Variants in RGPD3 observed in about 807,000 individuals in gnomAD.
RGPD3 encodes the protein ranBP2-like and GRIP domain-containing protein 3.
A neutral mutation model predicts 154.5 loss-of-function variants in RGPD3; 62 were observed. The observed-to-expected ratio is 0.40, with a 90% confidence interval of 0.33 to 0.50. RGPD3 has a LOEUF of 0.50. Ranked by LOEUF, RGPD3 falls within the 20% of genes least tolerant of loss-of-function variation. The pLI is 0.59. For synonymous variants in RGPD3, 308 were observed against 607.0 expected (o/e 0.51, Z 7.24); for missense variants, 919 against 1,716.8 (o/e 0.54, Z 8.21).
intron 22 of RGPD3, among the ~76,000 whole-genome samples, chr2:106,411,936 T>A (rs1676683099): frequency 6.6e-6 from 1 of 151,392 alleles, no homozygotes; most frequent in South Asian, 2.1e-4. Context: ...AAAATGAACA[T>A]AAACTAGGTA....
intron 1 of RGPD3, among the ~76,000 whole-genome samples, chr2:106,465,303 A>G (rs1678534373): frequency 6.6e-6 from 1 of 152,194 alleles, no homozygotes; most frequent in African/African-American, 2.4e-5. Flanking sequence ...TTCCAAAGTT[A>G]CTCACTAGTT....
At position 106,436,850 on chromosome 2, in the gene RGPD3, A is replaced by G; in HGVS notation, c.1281T>C (p.Ala427=). ...LEDLARYDVG[A]IRAHNGSLQH... ...GAAGACTACCATTATGTGCTCGAATAGCACCTGAAATAAAATAAAAAAATT... is the reference window on the plus strand; with the variant it reads ...GAAGACTACCATTATGTGCTCGAATGGCACCTGAAATAAAATAAAAAAATT... Residue 427 remains alanine, a synonymous_variant, in exon 10 of 23, where the codon GCT becomes GCC. Coordinates refer to ENST00000409886, the MANE Select transcript of RGPD3 (RefSeq NM_001144013.2). The G allele has an allele frequency of 8.7e-7, 1 of 1,143,170 alleles. No individual in the cohort carries two copies. Among genetic ancestry groups the G allele is most frequent in the South Asian group, 1.7e-5 (1 of 59,812 alleles). 70.8% of individuals were successfully genotyped at this position (1,143,170 alleles called of 1,614,324 possible).
intron 22 of RGPD3, among the ~76,000 whole-genome samples, chr2:106,410,999 G>C (rs1222065427): frequency 6.7e-6 from 1 of 150,346 alleles, no homozygotes; most frequent in Admixed American, 6.7e-5. Flanking sequence ...TACTTATGAA[G>C]TATGTCTGTA....
chr2:106,446,248 A>T (rs1367335337), intron 7 of RGPD3, among the ~76,000 whole-genome samples: 2 of 130,514 alleles, frequency 1.5e-5, no homozygotes, highest in Non-Finnish European at 3.3e-5. Context: ...TCCTTTCAAA[A>T]GTTATGCAGG....
At position 106,459,439 on chromosome 2, in the gene RGPD3, T is replaced by C. The variant is rs534533943; in HGVS notation, c.73-107A>G. The C allele has an allele frequency of 1.3e-5, 7 of 521,836 alleles. No homozygotes were observed. In the East Asian group the frequency reaches 2.7e-4, roughly 20 times the overall value. 32.3% of individuals were successfully genotyped at this position (521,836 alleles called of 1,614,324 possible). A position where few individuals can be genotyped will look rare whatever the true frequency, so the allele number is the denominator to read the frequency against. On this transcript the variant is annotated intron_variant, in intron 1 of 22. Coordinates refer to ENST00000409886, the MANE Select transcript of RGPD3 (RefSeq NM_001144013.2). ...AAGTTTATGTTCAAATATGCCATTTTCATTCACTTAAAAGTTTTTTTTAAA... is the reference window on the plus strand; with the variant it reads ...AAGTTTATGTTCAAATATGCCATTTCCATTCACTTAAAAGTTTTTTTTAAA...
Position 106,403,963 on chromosome 2 carries a change from A to G in RGPD3, c.*1256T>C, listed in dbSNP as rs1394618188. ...TATGTGATTAATACATAAATATTAA[A>G]AATTATCCAATTTTTGATTTAAGAA... On this transcript the variant is annotated 3_prime_UTR_variant, in exon 23 of 23. Coordinates refer to ENST00000409886, the MANE Select transcript of RGPD3 (RefSeq NM_001144013.2). 6.6e-6 allele frequency among the ~76,000 whole-genome samples: 1 copy of G among 152,260 alleles called. No individual in the cohort carries two copies. The highest frequency in any genetic ancestry group is 1.5e-5 in the Non-Finnish European group (1 of 68,050).
intron 20 of RGPD3, among the ~76,000 whole-genome samples, chr2:106,421,274 G>T (rs926793082): frequency 6.6e-6 from 1 of 152,002 alleles, no homozygotes; most frequent in African/African-American, 2.4e-5. Context: ...ATGTTCTACA[G>T]TAGTGTATAG....
At chr2:106,429,077 C>A (rs1464143705) in intron 18 of RGPD3, among the ~76,000 whole-genome samples, 2 of 152,052 alleles carry the variant, frequency 1.3e-5, no homozygotes, top group Non-Finnish European at 2.9e-5. Context: ...CCCACACCCA[C>A]CTGCACATAC....
At chr2:106,468,196 G>A in intron 1 of RGPD3, 21 bp downstream of exon 1, 1 of 1,596,730 alleles carries the variant, frequency 6.3e-7, no homozygotes, top group Non-Finnish European at 8.5e-7. Flanking sequence ...GAGGCCGTCG[G>A]TCTCTTCCAG....
At chr2:106,465,303 A>T in intron 1 of RGPD3, among the ~76,000 whole-genome samples, 1 of 152,194 alleles carries the variant, frequency 6.6e-6, no homozygotes, top group Non-Finnish European at 1.5e-5. Context: ...TTCCAAAGTT[A>T]CTCACTAGTT....
At chr2:106,449,479 A>G (rs1678043344) in intron 6 of RGPD3, among the ~76,000 whole-genome samples, 1 of 151,352 alleles carries the variant, frequency 6.6e-6, no homozygotes, top group Admixed American at 6.6e-5. Flanking sequence ...AAAAAAAAAA[A>G]AAAAAAAAGC....
rs759229173 is a variant in RGPD3, at chr2:106,424,755, T to G, written c.3212A>C (p.Asp1071Ala). The G allele has an allele frequency of 3.1e-6, 5 of 1,611,958 alleles. No individual in the cohort carries two copies. Among genetic ancestry groups the G allele is most frequent in the Non-Finnish European group, 4.2e-6 (5 of 1,179,850 alleles). Residue 1071 changes from aspartate to alanine, a missense_variant, in exon 20 of 23, where the codon GAT (aspartate) becomes GCT (alanine). By Grantham distance (126) the Asp-to-Ala change is moderately radical. Transcript: ENST00000409886. ...YSQGVKLFRFDAEVSQWKERG... is the reference protein window; with the variant it reads ...YSQGVKLFRFAAEVSQWKERG... ...TTCTTTCCACTGACTTACCTCAGCA[T>G]CAAATCTAAATAGTTTTACCCCCTG...
At chr2:106,450,677 G>A (rs1417919617) in intron 6 of RGPD3, among the ~76,000 whole-genome samples, 1 of 97,274 alleles carries the variant, frequency 1.0e-5, no homozygotes, top group Non-Finnish European at 1.9e-5. Context: ...CTGTACTCCA[G>A]GCTGGGTGAC....
chr2:106,409,871 C>CTTT lies in RGPD3; in HGVS notation c.5266+3210_5266+3212dup, dbSNP rs57602292. On this transcript the variant is annotated intron_variant, in intron 22 of 22. Transcript: ENST00000409886. ...TTCTTTTGAACTATCTTGTAGTTTA[C>CTTT]TTTTTTTTTTTTTTTTTTTTGAGAT... is the stretch of plus-strand genomic sequence containing the variant. Among the ~76,000 whole-genome samples the CTTT allele has an allele frequency of 9.3e-3, 876 of 94,404 alleles. 34 individuals carry two copies. The highest frequency in any genetic ancestry group is 0.026 in the African/African-American group (589 of 22,946). The allele number at this position is 94,404 out of a possible 152,430, so 61.9% of individuals were successfully genotyped here.
At chr2:106,415,618 A>G (rs1676802093) in intron 21 of RGPD3, among the ~76,000 whole-genome samples, 1 of 127,410 alleles carries the variant, frequency 7.8e-6, no homozygotes, top group Non-Finnish European at 1.6e-5. Flanking sequence ...TGGAGCTTGT[A>G]GTGAGCCGGG....
upstream of RGPD3, among the ~76,000 whole-genome samples, chr2:106,469,818 C>T (rs553285344): frequency 6.6e-6 from 1 of 152,330 alleles, no homozygotes; most frequent in South Asian, 2.1e-4. Flanking sequence ...ACACAGACAA[C>T]CTCACTTGGA....
chr2:106,429,002 AAC>A (rs1346140550), intron 18 of RGPD3, among the ~76,000 whole-genome samples: 1 of 151,742 alleles, frequency 6.6e-6, no homozygotes, highest in Admixed American at 6.6e-5. Context: ...ACCCACAGTA[AAC>A]ACTATTAGTA....
intron 22 of RGPD3, chr2:106,412,790 G>A (rs1454795711): frequency 3.1e-5 from 18 of 579,158 alleles, no homozygotes; most frequent in African/African-American, 9.3e-5. Flanking sequence ...ACAAAACCAC[G>A]TTCAGCTGAA....
intron 1 of RGPD3, among the ~76,000 whole-genome samples, chr2:106,466,873 G>A (rs1480834294): frequency 2.6e-4 from 20 of 75,830 alleles, no homozygotes; most frequent in African/African-American, 7.3e-4. Context: ...CTGAGCCATC[G>A]AGGCCGCCGC....
Sources: allele counts gnomAD v4.1 joint callset (sites outside exome capture counted in the v4.1 genomes callset), GRCh38; gene constraint gnomAD v4.1.1; transcripts MANE v1.5; gene names NCBI Gene and HGNC (gene_info 2026-07-23, HGNC 2026-07-21).